The following CHIC2 variants were observed in gnomAD, a reference collection of about 807,000 sequenced individuals.
The protein encoded by CHIC2 is cysteine-rich hydrophobic domain-containing protein 2.
A neutral mutation model predicts 25.9 loss-of-function variants in CHIC2; 14 were observed. That is an observed-to-expected ratio of 0.54 (90% confidence interval 0.36 to 0.85). CHIC2 has a LOEUF of 0.85. Among genes scored for constraint, CHIC2 ranks in the 40% least tolerant of loss-of-function variants. The probability of loss-of-function intolerance (pLI) is 0.01; values close to 1 mark genes in which losing one functional copy is unlikely to be tolerated. For synonymous variants in CHIC2, 70 were observed against 72.0 expected, an observed-to-expected ratio of 0.97 and a Z score of 0.14; for missense variants, 146 against 202.0, an observed-to-expected ratio of 0.72 and a Z score of 1.68.
the CHIC2 span, among the ~76,000 whole-genome samples, chr4:54,074,149 T>C: frequency 6.6e-6 from 1 of 151,996 alleles, no homozygotes; most frequent in South Asian, 2.1e-4. Flanking sequence ...CAGTGAGAGA[T>C]TCCATCTCAA....
At chr4:54,078,238 T>A in the CHIC2 span, among the ~76,000 whole-genome samples, 2 of 152,154 alleles carry the variant, frequency 1.3e-5, no homozygotes, top group Non-Finnish European at 2.9e-5. Context: ...TGTCAAAGGG[T>A]CAGATGTTGC....
intron 1 of CHIC2, among the ~76,000 whole-genome samples, chr4:54,056,268 T>C (rs969209914): frequency 6.6e-6 from 1 of 152,190 alleles, no homozygotes; most frequent in Non-Finnish European, 1.5e-5. Context: ...ATGCAGCTGA[T>C]CTAACTTAAC....
At chr4:54,079,116 C>T in the CHIC2 span, among the ~76,000 whole-genome samples, 1 of 151,926 alleles carries the variant, frequency 6.6e-6, no homozygotes, top group Admixed American at 6.6e-5. Flanking sequence ...ACTCAGGAGG[C>T]TGAGGCAGGA....
chr4:54,061,976 G>C (rs1371226609), intron 1 of CHIC2, among the ~76,000 whole-genome samples: 1 of 152,124 alleles, frequency 6.6e-6, no homozygotes. Flanking sequence ...AACTATATCT[G>C]AGGAGGAGAA....
chr4:54,020,943 C>T (rs886069176), intron 3 of CHIC2, among the ~76,000 whole-genome samples: 13 of 152,234 alleles, frequency 8.5e-5, no homozygotes, highest in African/African-American at 2.6e-4. Context: ...AAGTCAATTG[C>T]GGGGATGCCT....
At chr4:54,031,578 A>C (rs1716229216) in intron 3 of CHIC2, among the ~76,000 whole-genome samples, 1 of 151,864 alleles carries the variant, frequency 6.6e-6, no homozygotes, top group African/African-American at 2.4e-5. Flanking sequence ...TACTATGGGC[A>C]AAATACTATA....
chr4:54,053,513 T>G (rs1238630704), intron 1 of CHIC2, among the ~76,000 whole-genome samples: 1 of 138,096 alleles, frequency 7.2e-6, no homozygotes, highest in African/African-American at 2.8e-5. Flanking sequence ...CAAGATTGCG[T>G]CACTGCACTC....
intron 1 of CHIC2, among the ~76,000 whole-genome samples, chr4:54,061,708 T>G (rs936640735): frequency 6.6e-6 from 1 of 152,160 alleles, no homozygotes; most frequent in Non-Finnish European, 1.5e-5. Context: ...GGTGTGCTAG[T>G]GTGCCTGGGA....
At chr4:54,070,152 G>A in the CHIC2 span, among the ~76,000 whole-genome samples, 3 of 152,288 alleles carry the variant, frequency 2.0e-5, no homozygotes, top group African/African-American at 7.2e-5. Context: ...CAGACAGTGG[G>A]AATAGCATGT....
chr4:54,073,610 A>C, the CHIC2 span, among the ~76,000 whole-genome samples: 3 of 152,224 alleles, frequency 2.0e-5, no homozygotes, highest in African/African-American at 4.8e-5. Flanking sequence ...AGCAGCCCCA[A>C]CTAACATCTT....
At chr4:54,055,136 T>A (rs936759184) in intron 1 of CHIC2, among the ~76,000 whole-genome samples, 18 of 151,930 alleles carry the variant, frequency 1.2e-4, no homozygotes, top group East Asian at 3.9e-4. Flanking sequence ...AAGAAAAAAA[T>A]ATATATATAT....
At chr4:54,048,729 A>G (rs1321982465) in intron 3 of CHIC2, 2 of 354,492 alleles carry the variant, frequency 5.6e-6, no homozygotes, top group African/African-American at 4.2e-5. Context: ...AATGCCATAC[A>G]CTACTCCTTG....
At chr4:54,058,561 C>CACACACAT (rs1717244459) in intron 1 of CHIC2, among the ~76,000 whole-genome samples, 1 of 70,662 alleles carries the variant, frequency 1.4e-5, no homozygotes. Context: ...CACACACATA[C>CACACACAT]ACACACACAC....
the CHIC2 span, among the ~76,000 whole-genome samples, chr4:54,075,024 T>G: frequency 9.9e-5 from 15 of 152,222 alleles, no homozygotes; most frequent in East Asian, 1.9e-3. Flanking sequence ...GGTGGGAGGA[T>G]CACTTGAGCC....
At chr4:54,061,534 G>GA (rs1392894458) in intron 1 of CHIC2, among the ~76,000 whole-genome samples, 1 of 152,056 alleles carries the variant, frequency 6.6e-6, no homozygotes, top group Non-Finnish European at 1.5e-5. Flanking sequence ...AAAAAAGGTG[G>GA]AGGAGGGGGT....
intron 3 of CHIC2, among the ~76,000 whole-genome samples, chr4:54,045,846 G>C (rs1716767755): frequency 6.6e-6 from 1 of 151,462 alleles, no homozygotes; most frequent in Non-Finnish European, 1.5e-5. Context: ...ATTAGGAAAA[G>C]AGGAAGTCAA....
At chr4:54,090,935 G>T in the CHIC2 span, among the ~76,000 whole-genome samples, 48 of 152,070 alleles carry the variant, frequency 3.2e-4, no homozygotes, top group Non-Finnish European at 5.4e-4. Flanking sequence ...TTTGCAAGCT[G>T]GTTACACATT....
At chr4:54,058,742 ATTTC>A (rs1306200190) in intron 1 of CHIC2, among the ~76,000 whole-genome samples, 1 of 152,136 alleles carries the variant, frequency 6.6e-6, no homozygotes, top group African/African-American at 2.4e-5. Context: ...GATTTGAAAG[ATTTC>A]TTTCTGAGTA....
intron 1 of CHIC2, among the ~76,000 whole-genome samples, chr4:54,058,594 AC>A (rs1717246377): frequency 1.3e-5 from 2 of 149,562 alleles, no homozygotes; most frequent in East Asian, 1.9e-4. Context: ...ACACACACAC[AC>A]AATCTTACAC....
Sources: gnomAD v4.1 joint callset for allele counts (sites outside exome capture counted in the v4.1 genomes callset) on GRCh38, gnomAD v4.1.1 for gene constraint, MANE v1.5 for transcripts, NCBI Gene and HGNC (gene_info 2026-07-23, HGNC 2026-07-21) for gene names.